Variants in SPTB observed in about 807,000 individuals in gnomAD.
SPTB encodes the protein spectrin beta, erythrocytic.
SPTB carries 45 observed loss-of-function variants against 256.2 expected under a neutral mutation model. The observed-to-expected ratio is 0.18, with a 90% confidence interval of 0.14 to 0.23. The LOEUF (loss-of-function observed/expected upper bound fraction) is 0.23, where lower values mean the gene tolerates loss of function less well. Among genes scored for constraint, SPTB ranks in the 10% least tolerant of loss-of-function variants. The pLI, the probability that SPTB is intolerant of heterozygous loss-of-function variation, is 1.00. For synonymous variants in SPTB, 1,231 were observed against 1,243.1 expected (o/e 0.99, Z 0.21); for missense variants, 2,715 against 3,040.4 (o/e 0.89, Z 2.52).
At position 64,779,275 on chromosome 14, in the gene SPTB, T is replaced by A; in HGVS notation, c.4474-29A>T. On this transcript the variant is annotated intron_variant, in intron 21 of 35. Transcript: ENST00000644917. The surrounding 1 kb of genome is among the most constrained non-coding windows in gnomAD (Gnocchi z 4.2). ...CAGAGACCAGGAGGCAGGAGAGAGC[T>A]GATGACAATCACGGCCAACCTTTCC... 2 of 1,594,562 alleles carry A rather than the reference T, an allele frequency of 1.3e-6. No homozygotes were observed. The highest frequency in any genetic ancestry group is 1.7e-6 in the Non-Finnish European group (2 of 1,164,608).
Position 64,779,851 on chromosome 14 carries a change from T to A in SPTB, c.4347A>T (p.Gly1449=). ...FAQVPSMGEE[G]GDADLSIEKR... is the part of the protein sequence containing the mutation. ...TCTCGATGCTCAAGTCTGCATCTCCTCCCTCCTCTCCCATTGAAGGCACCT... is the reference window on the plus strand; with the variant it reads ...TCTCGATGCTCAAGTCTGCATCTCCACCCTCCTCTCCCATTGAAGGCACCT... The change falls in exon 21 of 36, where the codon GGA becomes GGT. Residue 1449 remains glycine, a synonymous_variant. Coordinates refer to ENST00000644917, the MANE Select transcript of SPTB (RefSeq NM_001355436.2). The surrounding 1 kb of genome is among the most constrained non-coding windows in gnomAD (Gnocchi z 4.2). 6.2e-7 allele frequency: 1 copy of A among 1,614,088 alleles called. No individual in the cohort carries two copies. Among genetic ancestry groups the A allele is most frequent in the Non-Finnish European group, 8.5e-7 (1 of 1,179,986 alleles).
Position 64,749,457 on chromosome 14 carries a change from C to T in SPTB, c.6836G>A (p.Trp2279Ter), listed in dbSNP as rs1164695950. 1 of 1,601,614 alleles carries T rather than the reference C, an allele frequency of 6.2e-7. No homozygotes were observed. The highest frequency in any genetic ancestry group is 1.3e-5 in the African/African-American group (1 of 74,882). Reference sequence around the variant, plus strand: ...GATGGCGGTGCTCACGCCCTGCAGCCAGGACAGCATCTCCTCCTGCGGGGC... The same window carrying T: ...GATGGCGGTGCTCACGCCCTGCAGCTAGGACAGCATCTCCTCCTGCGGGGC... ...HGKDEEEMLS[W>*]LQGVSTAINE... is the part of the protein sequence containing the mutation. The change falls in exon 36 of 36, where the codon TGG becomes TAG. Residue 2279 changes from tryptophan (W) to a stop codon, truncating the protein, a stop_gained. Transcript: ENST00000644917. LOFTEE classifies it high-confidence loss of function. The surrounding 1 kb of genome is among the most constrained non-coding windows in gnomAD (Gnocchi z 4.7).
rs1455646083 is a variant in SPTB at position 64,816,771 on chromosome 14, A to G, written c.148+6176T>C. On this transcript the variant is annotated intron_variant, in intron 2 of 35. Coordinates refer to ENST00000644917, the MANE Select transcript of SPTB (RefSeq NM_001355436.2). The surrounding 1 kb of genome is among the most constrained non-coding windows in gnomAD (Gnocchi z 4.2). ...TATAAAGGGAAAATGGAAAATTGCT[A>G]CAGATGCTCTGAAAACACCACCCTT... Among the ~76,000 whole-genome samples the G allele has an allele frequency of 6.6e-6, 1 of 152,186 alleles. No individual in the cohort carries two copies. The highest frequency in any genetic ancestry group is 1.5e-5 in the Non-Finnish European group (1 of 68,044).
At chr14:64,783,469 T>A (rs914500653) in intron 19 of SPTB, among the ~76,000 whole-genome samples, 1 of 152,232 alleles carries the variant, frequency 6.6e-6, no homozygotes, top group Non-Finnish European at 1.5e-5. Flanking sequence ...CCCAAAGTGC[T>A]GGGATTACAG....
intron 2 of SPTB, among the ~76,000 whole-genome samples, chr14:64,812,238 C>T (rs547732572): frequency 5.8e-4 from 89 of 152,312 alleles, no homozygotes; most frequent in Non-Finnish European, 1.1e-3. Flanking sequence ...CGTGAGCCAA[C>T]GCGCCCAGCC....
chr14:64,779,930 C>T lies in SPTB; in HGVS notation c.4268G>A (p.Arg1423Gln), dbSNP rs150323295. The T allele has an allele frequency of 4.0e-5, 65 of 1,613,644 alleles. No homozygotes were observed. In the African/African-American group the frequency reaches 4.3e-4, roughly 11 times the overall value. Residue 1423 changes from arginine (R) to glutamine (Q), a missense_variant and splice_region_variant, in exon 21 of 36, where the codon CGA becomes CAA. Arg to Gln is a conservative substitution (Grantham distance 43). Coordinates refer to ENST00000644917, the MANE Select transcript of SPTB (RefSeq NM_001355436.2). This position sits in a 1 kb window ranked among gnomAD's most constrained non-coding sequence, Gnocchi z 4.2. ...TCGCACATTCACTTGGTCCTCCACT[C>T]GCTGAGACACAAGGGGACGGTGTCA... ...SVNRMLAKLK[R>Q]VEDQVNVRKE...
At chr14:64,794,009 C>T (rs2082723503) in intron 13 of SPTB, 142 bp from the exon 14 acceptor site, 1 of 696,492 alleles carries the variant, frequency 1.4e-6, no homozygotes, top group Non-Finnish European at 2.4e-6. Flanking sequence ...CAGGGGGGTC[C>T]CAGTTGCTCA....
chr14:64,834,351 T>C (rs2083489829), intron 1 of SPTB, among the ~76,000 whole-genome samples: 1 of 151,278 alleles, frequency 6.6e-6, no homozygotes. Flanking sequence ...TAACCACCTC[T>C]TCCTCTCCTG....
intron 2 of SPTB, among the ~76,000 whole-genome samples, chr14:64,820,043 C>T (rs1195198059): frequency 6.6e-6 from 1 of 152,144 alleles, no homozygotes; most frequent in Non-Finnish European, 1.5e-5. Context: ...TTCCTCCTCA[C>T]CCCAGGACCT....
chr14:64,865,644 C>T (rs1019354778), intron 1 of SPTB, among the ~76,000 whole-genome samples: 30 of 152,172 alleles, frequency 2.0e-4, no homozygotes, highest in African/African-American at 1.2e-4. Context: ...GGCTCACCAG[C>T]GACCATGGTA....
intron 1 of SPTB, among the ~76,000 whole-genome samples, chr14:64,849,069 T>C (rs2083738217): frequency 6.6e-6 from 1 of 152,244 alleles, no homozygotes; most frequent in Non-Finnish European, 1.5e-5. Context: ...CAGTAAAATA[T>C]GCCCTGAATA....
chr14:64,804,823 C>T, intron 3 of SPTB, 116 bp downstream of exon 3: 1 of 1,364,248 alleles, frequency 7.3e-7, no homozygotes, highest in Non-Finnish European at 1.0e-6. Context: ...TAGAGCCTCC[C>T]AAAGGAGCAG....
At position 64,753,641 on chromosome 14, in the gene SPTB, G is replaced by A. The variant is rs748814015; in HGVS notation, c.6498C>T (p.Pro2166=). The stretch of plus-strand genomic sequence containing the variant: ...GGTCCCGCGGGGCCGGCAGCGTTGC[G>A]GGCTCATCACCCTCGCTCAGAGGCG... ...LDTPLSEGDE[P]ATLPAPRDHG... The change falls in exon 33 of 36, where the codon CCC becomes CCT. Residue 2166 remains proline (P), a synonymous_variant. Transcript: ENST00000644917. 1.7e-5 allele frequency: 28 copies of A among 1,613,512 alleles called. No individual in the cohort carries two copies. The highest frequency in any genetic ancestry group is 8.9e-5 in the East Asian group (4 of 44,880).
intron 32 of SPTB, chr14:64,763,847 G>C (rs1287648608): frequency 3.9e-6 from 2 of 518,996 alleles, no homozygotes; most frequent in South Asian, 1.4e-5. Context: ...GCAGTGATGT[G>C]CTTGAGAAAG....
chr14:64,856,972 C>T (rs375038), intron 1 of SPTB, among the ~76,000 whole-genome samples: 9,574 of 152,210 alleles, frequency 0.063, 1,075 homozygotes, highest in African/African-American at 0.22. Context: ...AATTTGAGTC[C>T]ATGCTTTAAT....
intron 1 of SPTB, among the ~76,000 whole-genome samples, chr14:64,861,512 C>T (rs958364635): frequency 1.3e-5 from 2 of 152,140 alleles, no homozygotes; most frequent in African/African-American, 4.8e-5. Context: ...CCGGCTCCCC[C>T]ACCCACTTGA....
chr14:64,781,999 G>C (rs1376764724), intron 20 of SPTB, among the ~76,000 whole-genome samples: 1 of 152,204 alleles, frequency 6.6e-6, no homozygotes, highest in Non-Finnish European at 1.5e-5. Context: ...TCACTTATAA[G>C]TGGGAGCTAA....
Position 64,770,963 on chromosome 14 carries a change from C to A in SPTB, c.5720G>T (p.Arg1907Leu), listed in dbSNP as rs368348495. The A allele has an allele frequency of 4.3e-6, 7 of 1,613,998 alleles. No individual in the cohort carries two copies. The South Asian group carries it at 4.4e-5, about 10-fold the overall frequency. The change falls in exon 27 of 36, where the codon CGC (arginine) becomes CTC (leucine). Residue 1907 changes from arginine to leucine, a missense_variant. This residue lies in a region of SPTB where 2,239 missense variants were observed against 2,384.4 expected (regional missense o/e 0.94). Coordinates refer to ENST00000644917, the MANE Select transcript of SPTB (RefSeq NM_001355436.2). Reference sequence around the variant, plus strand: ...GAGGTCACGGGCCATGCTGAAGAAGCGGAATTTATCCGCCGTGTCCACTAG... The same window carrying A: ...GAGGTCACGGGCCATGCTGAAGAAGAGGAATTTATCCGCCGTGTCCACTAG... ...TQLVDTADKF[R>L]FFSMARDLLS...
At chr14:64,876,293 C>G (rs1437342880) in intron 1 of SPTB, among the ~76,000 whole-genome samples, 1 of 152,078 alleles carries the variant, frequency 6.6e-6, no homozygotes, top group Non-Finnish European at 1.5e-5. Context: ...AGGTGCCCAC[C>G]ACCACACCTG....
Sources: allele counts gnomAD v4.1 joint callset (sites outside exome capture counted in the v4.1 genomes callset), GRCh38; gene constraint gnomAD v4.1.1; regional missense constraint gnomAD v4.1.1; non-coding constraint Gnocchi (gnomAD v3.1); transcripts MANE v1.5; gene names NCBI Gene and HGNC (gene_info 2026-07-23, HGNC 2026-07-21).